CFAP74: variants seen among roughly 807,000 people sequenced by gnomAD.
CFAP74 encodes cilia- and flagella-associated protein 74.
CFAP74 carries 124 observed loss-of-function variants against 188.9 expected under a neutral mutation model. The ratio of observed to expected loss-of-function variants is 0.66; its 90% confidence interval spans 0.57 to 0.76. The LOEUF (loss-of-function observed/expected upper bound fraction) is 0.76. Among genes scored for constraint, CFAP74 ranks in the 30% least tolerant of loss-of-function variants. The pLI is 0.00. For synonymous variants in CFAP74, 956 were observed against 916.7 expected (o/e 1.04, Z -0.77); for missense variants, 2,198 against 2,165.2 (o/e 1.02, Z -0.30).
At chr1:1,953,200 C>T (rs910152552) in intron 18 of CFAP74, 12 of 151,660 alleles carry the variant, frequency 7.9e-5, no homozygotes, top group African/African-American at 2.2e-4. Flanking sequence ...ATAACCAAGA[C>T]AATGGCTCTG....
rs980127352 is a variant in CFAP74, at chr1:1,927,043, G to A, written c.3528-15C>T. 1.9e-6 allele frequency: 3 copies of A among 1,550,090 alleles called. No homozygotes were observed. The East Asian group carries it at 7.3e-5, about 38-fold the overall frequency. ...ACTCGTCGGAACTAGAAGGAAGTCA[G>A]AGGCTTGCGCTCCCGCCTTGCCCCC... is the stretch of plus-strand genomic sequence containing the variant. On this transcript the variant is annotated splice_polypyrimidine_tract_variant and intron_variant, in intron 28 of 38. Transcript: ENST00000682832.
chr1:1,939,955 C>T (rs879896119), intron 23 of CFAP74, among the ~76,000 whole-genome samples, 188 bp from the exon 24 acceptor site: 11 of 152,178 alleles, frequency 7.2e-5, no homozygotes, highest in Admixed American at 2.6e-4. Context: ...GGAGGAGCTG[C>T]GGGTGGGTGG....
intron 18 of CFAP74, chr1:1,955,220 A>G (rs1570904294): frequency 1.6e-6 from 2 of 1,289,474 alleles, no homozygotes; most frequent in East Asian, 1.1e-4. Context: ...GATCAAGAGA[A>G]GCAAGGAGGA....
At chr1:1,939,796 G>T in intron 23 of CFAP74, 29 bp from the exon 24 acceptor site, 2 of 1,524,888 alleles carry the variant, frequency 1.3e-6, no homozygotes, top group Non-Finnish European at 1.8e-6. Flanking sequence ...AGGCGCCCTC[G>T]CAGCCACTCG....
At chr1:1,969,050 C>T (rs552380443) in intron 10 of CFAP74, among the ~76,000 whole-genome samples, 57 of 152,258 alleles carry the variant, frequency 3.7e-4, no homozygotes, top group African/African-American at 1.4e-3. Flanking sequence ...ACTTCCTGGT[C>T]CTGGAGCTAA....
rs145571224 is a variant in CFAP74 at position 1,973,956 on chromosome 1, G to T, written c.674+69C>A. The T allele has an allele frequency of 3.0e-3, 4,278 of 1,403,332 alleles. 155 individuals carry two copies. The East Asian group carries it at 0.081, about 26-fold the overall frequency. 86.9% of individuals were successfully genotyped at this position (1,403,332 alleles called of 1,614,324 possible). On this transcript the variant is annotated intron_variant, in intron 7 of 38. Coordinates refer to ENST00000682832, the MANE Select transcript of CFAP74 (RefSeq NM_001304360.2). The surrounding 1 kb of genome is among the most constrained non-coding windows in gnomAD (Gnocchi z 6.2). ...GGCGAGGCTGAATCTGGAGACCCCT[G>T]GGGGAGAGGGCGGAGGGGCTGGCAG... is the stretch of plus-strand genomic sequence containing the variant.
chr1:1,922,282 G>T lies in CFAP74; in HGVS notation c.*5C>A. 1 of 1,607,604 alleles carries T rather than the reference G, an allele frequency of 6.2e-7. No individual in the cohort carries two copies. Among genetic ancestry groups the T allele is most frequent in the African/African-American group, 1.3e-5 (1 of 74,810 alleles). ...GGAGGGCCCGAGGGTGCTCTGTGCA[G>T]AGGCTTAGGGGCCAGTCAACACCTG... is the stretch of plus-strand genomic sequence containing the variant. On this transcript the variant is annotated 3_prime_UTR_variant, in exon 39 of 39. Coordinates refer to ENST00000682832, the MANE Select transcript of CFAP74 (RefSeq NM_001304360.2).
chr1:1,989,368 G>C (rs1253283614), intron 2 of CFAP74, among the ~76,000 whole-genome samples: 1 of 152,232 alleles, frequency 6.6e-6, no homozygotes, highest in Non-Finnish European at 1.5e-5. Context: ...CCGTTGGGGA[G>C]AGCTGCTGCT....
chr1:1,936,361 T>G (rs1652896928), intron 25 of CFAP74, among the ~76,000 whole-genome samples: 1 of 148,740 alleles, frequency 6.7e-6, no homozygotes, highest in South Asian at 2.1e-4. Flanking sequence ...CTGTCTAACA[T>G]GGTGAAACCC....
intron 11 of CFAP74, 117 bp from the exon 12 acceptor site, chr1:1,966,643 C>G: frequency 1.1e-6 from 1 of 931,862 alleles, no homozygotes; most frequent in Non-Finnish European, 1.5e-6. Flanking sequence ...TTCTGCCTCA[C>G]GTACTCTGCA....
chr1:1,946,243 A>G, intron 20 of CFAP74, 74 bp downstream of exon 20: 1 of 1,458,110 alleles, frequency 6.9e-7, no homozygotes, highest in Non-Finnish European at 9.1e-7. Context: ...CCTTGTGGCC[A>G]AGGGCAGCTG....
At chr1:1,998,324 T>C (rs2102120684) in intron 1 of CFAP74, among the ~76,000 whole-genome samples, 1 of 152,236 alleles carries the variant, frequency 6.6e-6, no homozygotes, top group East Asian at 1.9e-4. Flanking sequence ...ATGATGATTT[T>C]GTGGTTATGC....
At chr1:1,931,666 G>A (rs1319353433) in intron 25 of CFAP74, among the ~76,000 whole-genome samples, 1 of 149,140 alleles carries the variant, frequency 6.7e-6, no homozygotes, top group African/African-American at 2.5e-5. Context: ...GAACCCAGGA[G>A]GCGGAGCTTG....
chr1:1,984,596 G>A (rs1407455438), intron 6 of CFAP74: 1 of 152,584 alleles, frequency 6.6e-6, no homozygotes, highest in East Asian at 1.9e-4. Flanking sequence ...GTATCACAGC[G>A]AGCGTGGGTC....
chr1:1,989,585 C>T (rs559579075), intron 2 of CFAP74, among the ~76,000 whole-genome samples: 4 of 152,188 alleles, frequency 2.6e-5, no homozygotes, highest in Admixed American at 6.5e-5. Context: ...CTCAGCCTCC[C>T]GAGTAGCTGA....
intron 6 of CFAP74, among the ~76,000 whole-genome samples, chr1:1,980,819 G>C (rs904086087): frequency 6.6e-6 from 1 of 151,410 alleles, no homozygotes; most frequent in African/African-American, 2.4e-5. Flanking sequence ...CCAACCCCCT[G>C]CCCAGACCAC....
At chr1:1,933,859 A>G (rs2803316) in intron 25 of CFAP74, among the ~76,000 whole-genome samples, 84,014 of 152,002 alleles carry the variant, frequency 0.55, 23,461 homozygotes, top group East Asian at 0.66. Flanking sequence ...TAATTCTTGA[A>G]AAGGAAGCTT....
intron 16 of CFAP74, 149 bp from the exon 17 acceptor site, chr1:1,956,933 A>T (rs1570909910): frequency 1.3e-6 from 1 of 784,410 alleles, no homozygotes; most frequent in Non-Finnish European, 2.0e-6. Flanking sequence ...TCAACCCAGA[A>T]ATCAGGTGTG....
At chr1:2,001,154 A>G (rs1305648308) in intron 1 of CFAP74, among the ~76,000 whole-genome samples, 1 of 152,070 alleles carries the variant, frequency 6.6e-6, no homozygotes, top group Non-Finnish European at 1.5e-5. Flanking sequence ...TCAGAGCCTG[A>G]GAAGAAAGAG....
Sources: allele counts gnomAD v4.1 joint callset (sites outside exome capture counted in the v4.1 genomes callset), GRCh38; gene constraint gnomAD v4.1.1; non-coding constraint Gnocchi (gnomAD v3.1); transcripts MANE v1.5; gene names NCBI Gene and HGNC (gene_info 2026-07-23, HGNC 2026-07-21).